Variants in ZZZ3 observed in about 807,000 individuals in gnomAD.
ZZZ3 encodes ZZ-type zinc finger-containing protein 3.
A neutral mutation model predicts 95.2 loss-of-function variants in ZZZ3; 22 were observed. That is an observed-to-expected ratio of 0.23 (90% CI 0.17 to 0.33). ZZZ3 has a LOEUF of 0.33. ZZZ3 is among the 10% of genes least tolerant of loss of function. The pLI is 1.00. For missense variants in ZZZ3, 885 were observed against 1,066.5 expected (o/e 0.83, Z 2.37); for synonymous variants, 335 against 358.9 (o/e 0.93, Z 0.75).
chr1:77,663,222 T>C (rs1670969874), intron 1 of ZZZ3, among the ~76,000 whole-genome samples: 1 of 152,208 alleles, frequency 6.6e-6, no homozygotes. Flanking sequence ...ATAAAAATAA[T>C]TATTAGGATA....
chr1:77,586,613 A>G (rs1663105967), intron 5 of ZZZ3, among the ~76,000 whole-genome samples: 1 of 152,240 alleles, frequency 6.6e-6, no homozygotes, highest in Admixed American at 6.5e-5. Context: ...ATTCCAACAA[A>G]GATGGCAAAT....
At chr1:77,665,670 A>T (rs566922995) in intron 1 of ZZZ3, among the ~76,000 whole-genome samples, 1 of 152,242 alleles carries the variant, frequency 6.6e-6, no homozygotes, top group Non-Finnish European at 1.5e-5. Flanking sequence ...TCACTGTCTC[A>T]TTCATTAAAT....
chr1:77,675,602 T>C lies in ZZZ3; in HGVS notation c.-403+6983A>G, dbSNP rs575935690. On this transcript the variant is annotated intron_variant, in intron 1 of 14. Coordinates refer to ENST00000370801, the MANE Select transcript of ZZZ3 (RefSeq NM_015534.6). ...TGTTCTTCAAGCACAGGACACACTT[T>C]TTTTTTTTTCAAATATTTATTATTT... is the stretch of plus-strand genomic sequence containing the variant. 1.4e-4 allele frequency among the ~76,000 whole-genome samples: 22 copies of C among 152,230 alleles called. No individual in the cohort carries two copies. The East Asian group carries it at 3.7e-3, about 25-fold the overall frequency.
chr1:77,597,018 A>G (rs1216442107), intron 5 of ZZZ3, among the ~76,000 whole-genome samples: 4 of 152,110 alleles, frequency 2.6e-5, no homozygotes, highest in African/African-American at 9.7e-5. Flanking sequence ...TTGGTTTCTA[A>G]TACCATTCTC....
At chr1:77,611,452 T>G (rs539129734) in intron 5 of ZZZ3, among the ~76,000 whole-genome samples, 1 of 152,002 alleles carries the variant, frequency 6.6e-6, no homozygotes, top group Non-Finnish European at 1.5e-5. Flanking sequence ...AAAATTCCAA[T>G]GTCATTTTTC....
At chr1:77,594,748 G>C (rs1371610340) in intron 5 of ZZZ3, among the ~76,000 whole-genome samples, 1 of 151,714 alleles carries the variant, frequency 6.6e-6, no homozygotes, top group African/African-American at 2.4e-5. Context: ...ACATGAAGCT[G>C]AGAAGGATAG....
chr1:77,648,989 T>G (rs1669557909), intron 1 of ZZZ3, among the ~76,000 whole-genome samples: 2 of 151,650 alleles, frequency 1.3e-5, no homozygotes, highest in African/African-American at 2.4e-5. Flanking sequence ...TAGCCAAGAG[T>G]GGTGGTGTGT....
At chr1:77,621,549 C>T (rs1444220173) in intron 5 of ZZZ3, among the ~76,000 whole-genome samples, 2 of 151,048 alleles carry the variant, frequency 1.3e-5, no homozygotes, top group Admixed American at 6.6e-5. Context: ...GGCATGGTGC[C>T]TCACACCTGC....
intron 5 of ZZZ3, 135 bp from the exon 6 acceptor site, chr1:77,584,790 T>C (rs1260081592): frequency 1.8e-6 from 1 of 554,918 alleles, no homozygotes; most frequent in Non-Finnish European, 2.8e-6. Context: ...GTAAAACATA[T>C]TACTGGGAAT....
At chr1:77,584,416 A>G in intron 6 of ZZZ3, 101 bp downstream of exon 6, 1 of 1,210,860 alleles carries the variant, frequency 8.3e-7, no homozygotes, top group Non-Finnish European at 1.1e-6. Flanking sequence ...AAAAAATTAA[A>G]CATTTTAAAA....
intron 3 of ZZZ3, chr1:77,641,113 T>C (rs1354052958): frequency 6.5e-6 from 1 of 153,516 alleles, no homozygotes; most frequent in Non-Finnish European, 1.5e-5. Context: ...ACAACTCCTT[T>C]GTACCAAACA....
rs538898034 is a variant in ZZZ3 at position 77,566,404 on chromosome 1, A to G, written c.2467-223T>C. Among the ~76,000 whole-genome samples the G allele has an allele frequency of 1.3e-4, 20 of 152,332 alleles. 1 individual carries two copies. The highest frequency in any genetic ancestry group is 4.1e-4 in the South Asian group (2 of 4,828). ...CAAGATATGGGTGAGTGAGAGGAAC[A>G]TTGGAAGGGATAATCTTCAATCAGC... On this transcript the variant is annotated intron_variant, in intron 13 of 14. Transcript: ENST00000370801.
At chr1:77,581,448 G>C (rs1392703899) in intron 8 of ZZZ3, among the ~76,000 whole-genome samples, 1 of 152,142 alleles carries the variant, frequency 6.6e-6, no homozygotes, top group Non-Finnish European at 1.5e-5. Context: ...ACTATTTTTA[G>C]AGTAAATACT....
intron 6 of ZZZ3, among the ~76,000 whole-genome samples, chr1:77,582,948 TA>T (rs1490563972): frequency 6.6e-6 from 1 of 151,604 alleles, no homozygotes; most frequent in Non-Finnish European, 1.5e-5. Context: ...CTACTAAAAA[TA>T]AAAAAATTAG....
chr1:77,618,364 T>C lies in ZZZ3; in HGVS notation c.1505+13486A>G, dbSNP rs1666531898. Among the ~76,000 whole-genome samples the C allele has an allele frequency of 3.3e-5, 5 of 150,940 alleles. No individual in the cohort carries two copies. In the South Asian group the frequency reaches 1.0e-3, roughly 32 times the overall value. On this transcript the variant is annotated intron_variant, in intron 5 of 14. Transcript: ENST00000370801. Reference sequence around the variant, plus strand: ...CAAGAACCAGGTTCTCTTTAGAGACTGTGACGAGGCTCTGGGAATAAAATG... The same window carrying C: ...CAAGAACCAGGTTCTCTTTAGAGACCGTGACGAGGCTCTGGGAATAAAATG...
At chr1:77,618,130 C>G (rs1666492814) in intron 5 of ZZZ3, among the ~76,000 whole-genome samples, 1 of 151,444 alleles carries the variant, frequency 6.6e-6, no homozygotes, top group African/African-American at 2.4e-5. Context: ...ACCCAAAAAG[C>G]TAAATGGTCT....
intron 4 of ZZZ3, among the ~76,000 whole-genome samples, chr1:77,638,603 T>C (rs1668498857): frequency 1.3e-5 from 2 of 152,228 alleles, no homozygotes; most frequent in South Asian, 4.1e-4. Flanking sequence ...ATTTTGGGAA[T>C]TGAGCAGCTG....
intron 1 of ZZZ3, among the ~76,000 whole-genome samples, chr1:77,649,255 A>C (rs1422039752): frequency 6.6e-6 from 1 of 152,168 alleles, no homozygotes; most frequent in Non-Finnish European, 1.5e-5. Context: ...AAGCAGAGAA[A>C]AACAACACAT....
chr1:77,644,223 G>A (rs985368700), intron 1 of ZZZ3, among the ~76,000 whole-genome samples: 8 of 152,074 alleles, frequency 5.3e-5, no homozygotes, highest in Non-Finnish European at 7.4e-5. Flanking sequence ...CTGCCACCAC[G>A]CCCATTTAAT....
Sources: allele counts gnomAD v4.1 joint callset (sites outside exome capture counted in the v4.1 genomes callset), GRCh38; gene constraint gnomAD v4.1.1; transcripts MANE v1.5; gene names NCBI Gene and HGNC (gene_info 2026-07-23, HGNC 2026-07-21).